Variants in NSMAF observed in about 807,000 individuals in gnomAD.
NSMAF encodes the protein neutral sphingomyelinase activation associated factor.
A neutral mutation model predicts 134.9 loss-of-function variants in NSMAF; 90 were observed. The ratio of observed to expected loss-of-function variants is 0.67; its 90% CI spans 0.56 to 0.79. The LOEUF is 0.79. NSMAF is among the 30% of genes least tolerant of loss of function. The pLI, the probability that NSMAF is intolerant of heterozygous loss-of-function variation, is 0.00. For synonymous variants in NSMAF, 358 were observed against 389.6 expected (o/e 0.92, Z 0.96); for missense variants, 1,010 against 1,119.0 (o/e 0.90, Z 1.39).
At chr8:58,620,912 C>A (rs1251942013) in intron 9 of NSMAF, among the ~76,000 whole-genome samples, 1 of 152,122 alleles carries the variant, frequency 6.6e-6, no homozygotes, top group Non-Finnish European at 1.5e-5. Context: ...AGAGACCAGA[C>A]AAGTTCCTAC....
At chr8:58,599,024 C>A (rs1806210317) in intron 19 of NSMAF, among the ~76,000 whole-genome samples, 1 of 152,126 alleles carries the variant, frequency 6.6e-6, no homozygotes, top group Non-Finnish European at 1.5e-5. Flanking sequence ...GACTCCATCT[C>A]AAAAAGAAAA....
At chr8:58,632,963 C>A (rs1030234747) in intron 5 of NSMAF, among the ~76,000 whole-genome samples, 1 of 152,144 alleles carries the variant, frequency 6.6e-6, no homozygotes, top group African/African-American at 2.4e-5. Flanking sequence ...CAGAATATAC[C>A]TAGACAATGA....
At chr8:58,635,612 A>C in intron 2 of NSMAF, 66 bp from the exon 3 acceptor site, 1 of 953,672 alleles carries the variant, frequency 1.0e-6, no homozygotes, top group Non-Finnish European at 1.6e-6. Context: ...ATCATAGTAC[A>C]TTTTAACTAG....
intron 2 of NSMAF, among the ~76,000 whole-genome samples, chr8:58,642,491 A>G (rs1349993925): frequency 6.6e-6 from 1 of 152,246 alleles, no homozygotes; most frequent in Non-Finnish European, 1.5e-5. Flanking sequence ...CGCATGACTC[A>G]TTTTGAAAGT....
intron 8 of NSMAF, 32 bp downstream of exon 8, chr8:58,623,345 A>G: frequency 1.2e-6 from 2 of 1,611,252 alleles, no homozygotes; most frequent in African/African-American, 2.7e-5. Flanking sequence ...GTTAATTGAC[A>G]ATCAAAGACA....
intron 1 of NSMAF, among the ~76,000 whole-genome samples, chr8:58,654,675 C>T (rs1210755167): frequency 6.6e-6 from 1 of 152,124 alleles, no homozygotes; most frequent in Non-Finnish European, 1.5e-5. Context: ...TATGCAGGCA[C>T]CAAATACAGA....
intron 13 of NSMAF, among the ~76,000 whole-genome samples, chr8:58,602,521 T>G (rs1806308079): frequency 6.6e-6 from 1 of 152,152 alleles, no homozygotes. Context: ...TATTCTTCAA[T>G]ATTAGCCTAT....
chr8:58,647,179 T>C (rs567605614), intron 1 of NSMAF, among the ~76,000 whole-genome samples: 2 of 152,326 alleles, frequency 1.3e-5, no homozygotes, highest in East Asian at 1.9e-4. Flanking sequence ...CATGACACTT[T>C]CGTGATGTGT....
chr8:58,658,045 T>A (rs1807760190), intron 1 of NSMAF, among the ~76,000 whole-genome samples: 2 of 152,182 alleles, frequency 1.3e-5, no homozygotes, highest in African/African-American at 4.8e-5. Context: ...AACGTTTCCC[T>A]GTATATCAAA....
intron 12 of NSMAF, among the ~76,000 whole-genome samples, chr8:58,604,557 A>AATAT (rs10656601): frequency 0.47 from 69,158 of 146,508 alleles, 17,631 homozygotes; most frequent in Admixed American, 0.6. Context: ...AGATATATAT[A>AATAT]ATATATATAT....
At chr8:58,602,738 A>G (rs572468115) in intron 13 of NSMAF, among the ~76,000 whole-genome samples, 1 of 152,214 alleles carries the variant, frequency 6.6e-6, no homozygotes, top group Admixed American at 6.5e-5. Flanking sequence ...AGAAGAGTAG[A>G]TATACCCCAA....
At chr8:58,635,063 T>C in intron 5 of NSMAF, 126 bp downstream of exon 5, 1 of 751,582 alleles carries the variant, frequency 1.3e-6, no homozygotes, top group Non-Finnish European at 2.2e-6. Context: ...TCTCAATGAC[T>C]GAATTCTAAA....
At chr8:58,593,732 G>A (rs1024297569) in intron 23 of NSMAF, among the ~76,000 whole-genome samples, 1 of 152,178 alleles carries the variant, frequency 6.6e-6, no homozygotes, top group Non-Finnish European at 1.5e-5. Context: ...CACTGCAAGG[G>A]TTTTTATAAT....
rs545602307 is a variant in NSMAF, at chr8:58,587,137, G to C, written c.2295+481C>G. ...CAACTACAGCATAAGATGCAGCAGCGTGACCCAGAGAAAACAGAGCAAGTG... is the reference window on the plus strand; with the variant it reads ...CAACTACAGCATAAGATGCAGCAGCCTGACCCAGAGAAAACAGAGCAAGTG... On this transcript the variant is annotated intron_variant, in intron 27 of 30. Coordinates refer to ENST00000038176, the MANE Select transcript of NSMAF (RefSeq NM_003580.4). Among the ~76,000 whole-genome samples the C allele has an allele frequency of 2.0e-5, 3 of 152,334 alleles. No individual in the cohort carries two copies. The East Asian group carries it at 5.8e-4, about 29-fold the overall frequency.
intron 23 of NSMAF, among the ~76,000 whole-genome samples, chr8:58,593,218 G>A (rs1296902565): frequency 6.6e-6 from 1 of 152,194 alleles, no homozygotes; most frequent in Non-Finnish European, 1.5e-5. Context: ...CGGTGACCCT[G>A]GCATGGCCCA....
chr8:58,624,759 A>C (rs1286600170), intron 6 of NSMAF, among the ~76,000 whole-genome samples: 1 of 152,174 alleles, frequency 6.6e-6, no homozygotes, highest in Admixed American at 6.5e-5. Flanking sequence ...TGTTAGGTCC[A>C]TTGGGTCTAC....
intron 5 of NSMAF, among the ~76,000 whole-genome samples, chr8:58,632,494 GTTTTC>G (rs1389651299): frequency 3.2e-4 from 49 of 152,230 alleles, no homozygotes; most frequent in African/African-American, 1.1e-3. Context: ...TCCTGAAGCA[GTTTTC>G]CACATGGCTT....
At chr8:58,657,253 T>C (rs1013158623) in intron 1 of NSMAF, among the ~76,000 whole-genome samples, 7 of 152,220 alleles carry the variant, frequency 4.6e-5, no homozygotes, top group African/African-American at 1.7e-4. Context: ...GAGAAATAAA[T>C]GCTCATTTCA....
Position 58,586,574 on chromosome 8 carries a change from A to G in NSMAF, c.2330T>C (p.Leu777Pro). 1 of 1,614,020 alleles carries G rather than the reference A, an allele frequency of 6.2e-7. No homozygotes were observed. The highest frequency in any genetic ancestry group is 8.5e-7 in the Non-Finnish European group (1 of 1,179,940). ...DTISLNAAST[L>P]LVSGTKEGTV... ...GCCTTCTTTGGTGCCGGAAACTAAC[A>G]GTGTGCTTGCAGCATTTAAACTGAT... Residue 777 changes from leucine (L) to proline (P), a missense_variant, in exon 28 of 31, where the codon CTG (leucine) becomes CCG (proline). By Grantham distance (98) the Leu-to-Pro change is moderately conservative. Coordinates refer to ENST00000038176, the MANE Select transcript of NSMAF (RefSeq NM_003580.4).
Sources: gnomAD v4.1 joint callset for allele counts (sites outside exome capture counted in the v4.1 genomes callset) on GRCh38, gnomAD v4.1.1 for gene constraint, MANE v1.5 for transcripts, NCBI Gene and HGNC (gene_info 2026-07-23, HGNC 2026-07-21) for gene names.